XYLT1: variants seen among roughly 807,000 people sequenced by gnomAD.
XYLT1 encodes the protein beta-D-xylosyltransferase 1.
Under a neutral mutation model 91.3 loss-of-function variants are expected in XYLT1, and 36 were observed. The ratio of observed to expected loss-of-function variants is 0.39; its 90% CI spans 0.30 to 0.52. XYLT1 has a LOEUF of 0.52. Among genes scored for constraint, XYLT1 ranks in the 20% least tolerant of loss-of-function variants. The probability of loss-of-function intolerance (pLI) is 0.68; values close to 1 mark genes in which losing one functional copy is unlikely to be tolerated. For missense variants in XYLT1, 1,242 were observed against 1,284.5 expected, an observed-to-expected ratio of 0.97 and a Z score of 0.51; for synonymous variants, 588 against 532.0, an observed-to-expected ratio of 1.11 and a Z score of -1.45.
chr16:17,313,048 A>C (rs2034574184), intron 2 of XYLT1, among the ~76,000 whole-genome samples: 1 of 152,204 alleles, frequency 6.6e-6, no homozygotes, highest in Non-Finnish European at 1.5e-5. Context: ...ACAGATCCCC[A>C]GCCTTGTTGG....
chr16:17,323,353 G>A (rs967612275), intron 2 of XYLT1, among the ~76,000 whole-genome samples: 1 of 152,188 alleles, frequency 6.6e-6, no homozygotes, highest in Non-Finnish European at 1.5e-5. Context: ...TGCGGTTTTT[G>A]GCATCTTCGC....
intron 2 of XYLT1, among the ~76,000 whole-genome samples, chr16:17,353,970 G>C (rs1275867519): frequency 6.6e-6 from 1 of 152,076 alleles, no homozygotes; most frequent in Non-Finnish European, 1.5e-5. Context: ...GTGGAAATCG[G>C]GTATCACACA....
At chr16:17,221,299 T>A (rs2032963586) in intron 3 of XYLT1, among the ~76,000 whole-genome samples, 1 of 152,136 alleles carries the variant, frequency 6.6e-6, no homozygotes, top group Admixed American at 6.5e-5. Flanking sequence ...AGAAATATAT[T>A]GACAAAAGCC....
At chr16:17,418,277 ATAT>A (rs1452936550) in intron 1 of XYLT1, among the ~76,000 whole-genome samples, 1 of 152,212 alleles carries the variant, frequency 6.6e-6, no homozygotes, top group Non-Finnish European at 1.5e-5. Flanking sequence ...CTTAATAAAT[ATAT>A]TATTTATGGA....
chr16:17,158,810 G>C lies in XYLT1; in HGVS notation c.1370+19C>G. On this transcript the variant is annotated intron_variant, in intron 6 of 11. Coordinates refer to ENST00000261381, the MANE Select transcript of XYLT1 (RefSeq NM_022166.4). ...ATTTTCATTTCCATTTTGTACAGGG[G>C]TAGGGGTTGAGGTGCTACCTTGCAT... 6.2e-7 allele frequency: 1 copy of C among 1,612,598 alleles called. No homozygotes were observed.
intron 2 of XYLT1, among the ~76,000 whole-genome samples, chr16:17,267,475 A>T (rs1596457469): frequency 6.6e-6 from 1 of 152,180 alleles, no homozygotes; most frequent in African/African-American, 2.4e-5. Context: ...TGGTGCGATC[A>T]CGCTCATCGC....
intron 2 of XYLT1, among the ~76,000 whole-genome samples, chr16:17,347,846 A>C (rs372578975): frequency 6.6e-6 from 1 of 152,252 alleles, no homozygotes; most frequent in East Asian, 1.9e-4. Context: ...GCTATGCACC[A>C]GGGCTGGCCA....
intron 2 of XYLT1, among the ~76,000 whole-genome samples, chr16:17,351,753 G>GGGT (rs2035223807): frequency 6.7e-6 from 1 of 149,808 alleles, no homozygotes. Context: ...TTTTTTTGGG[G>GGGT]GGGGGTGCTT....
chr16:17,409,650 T>G (rs1488083650), intron 1 of XYLT1, among the ~76,000 whole-genome samples: 1 of 150,788 alleles, frequency 6.6e-6, no homozygotes, highest in East Asian at 2.0e-4. Flanking sequence ...ATCGGGTTCA[T>G]GTGGTTCTCC....
At chr16:17,426,250 C>T (rs1388206991) in intron 1 of XYLT1, among the ~76,000 whole-genome samples, 2 of 152,028 alleles carry the variant, frequency 1.3e-5, no homozygotes, top group African/African-American at 2.4e-5. Context: ...AAATTTATGA[C>T]AACAATAAAA....
chr16:17,271,326 A>G (rs2033887403), intron 2 of XYLT1, among the ~76,000 whole-genome samples: 1 of 152,140 alleles, frequency 6.6e-6, no homozygotes, highest in Admixed American at 6.5e-5. Flanking sequence ...AGAGACACAG[A>G]GAGAGAGACA....
intron 1 of XYLT1, among the ~76,000 whole-genome samples, chr16:17,414,939 C>T (rs1033769778): frequency 9.2e-5 from 14 of 152,162 alleles, no homozygotes; most frequent in African/African-American, 2.9e-4. Context: ...CTCACTCTGC[C>T]TTCTCCAAGG....
In XYLT1 at chr16:17,106,847, AC is replaced by A. The variant is rs1218947431; in HGVS notation, c.*1847del. The A allele has an allele frequency of 5.9e-5, 9 of 151,934 alleles. No homozygotes were observed. The East Asian group carries it at 1.6e-3, about 26-fold the overall frequency. The allele number at this position is 151,934 out of a possible 1,614,324, so 9.4% of individuals were successfully genotyped here. A position where few individuals can be genotyped will look rare whatever the true frequency, so the allele number is the denominator to read the frequency against. On this transcript the variant is annotated 3_prime_UTR_variant, in exon 12 of 12. Coordinates refer to ENST00000261381, the MANE Select transcript of XYLT1 (RefSeq NM_022166.4). The stretch of plus-strand genomic sequence containing the variant: ...ACAAGGCTCCAACGGTCCCCAAGGC[AC>A]CCCACTCAAAGCCAGTGGAAGATGC...
intron 2 of XYLT1, among the ~76,000 whole-genome samples, chr16:17,273,606 G>T (rs1324645008): frequency 2.0e-5 from 3 of 152,146 alleles, no homozygotes; most frequent in Non-Finnish European, 4.4e-5. Flanking sequence ...CACTTTGGAA[G>T]TCCGAGGTGG....
chr16:17,338,941 T>C (rs2035027884), intron 2 of XYLT1, among the ~76,000 whole-genome samples: 1 of 152,122 alleles, frequency 6.6e-6, no homozygotes, highest in African/African-American at 2.4e-5. Context: ...TACTGCCCAC[T>C]CCTACATGAT....
At chr16:17,188,892 T>C (rs1413790473) in intron 5 of XYLT1, among the ~76,000 whole-genome samples, 2 of 152,144 alleles carry the variant, frequency 1.3e-5, no homozygotes, top group African/African-American at 4.8e-5. Flanking sequence ...AGCTAGTAAA[T>C]AAAGAAGCTG....
intron 1 of XYLT1, among the ~76,000 whole-genome samples, chr16:17,460,457 G>T (rs1224601143): frequency 4.6e-5 from 7 of 152,218 alleles, no homozygotes; most frequent in African/African-American, 1.7e-4. Flanking sequence ...TCATGCCAGG[G>T]CAAGGCACAG....
chr16:17,259,084 A>C lies in XYLT1; in HGVS notation c.817T>G (p.Ser273Ala). The C allele has an allele frequency of 6.5e-7, 1 of 1,542,638 alleles. No homozygotes were observed. The highest frequency in any genetic ancestry group is 2.3e-5 in the East Asian group (1 of 44,176). ...CCAATCTCCTGGCGGCAGTGCTTGGACTTAGCACGGGACAGGGCAGAGATG... is the reference window on the plus strand; with the variant it reads ...CCAATCTCCTGGCGGCAGTGCTTGGCCTTAGCACGGGACAGGGCAGAGATG... ...EAISALSRAK[S>A]KHCRQEIGET... is the part of the protein sequence containing the mutation. The change falls in exon 3 of 12, where the codon TCC (serine) becomes GCC (alanine). Residue 273 changes from serine (S) to alanine (A), a missense_variant. Physicochemically the swap from Ser to Ala is moderately conservative, Grantham distance 99 (BLOSUM62 1). Around this residue, in one of 3 missense-constraint regions of XYLT1, gnomAD observed 437 missense variants for 411.5 expected, o/e 1.06. Transcript: ENST00000261381.
intron 1 of XYLT1, among the ~76,000 whole-genome samples, chr16:17,368,310 G>A (rs1227617913): frequency 6.6e-6 from 1 of 152,116 alleles, no homozygotes; most frequent in African/African-American, 2.4e-5. Flanking sequence ...GAGTCAGGAT[G>A]GAGTCAGAAA....
Sources: gnomAD v4.1 joint callset for allele counts (sites outside exome capture counted in the v4.1 genomes callset) on GRCh38, gnomAD v4.1.1 for gene constraint, gnomAD v4.1.1 regional missense constraint, MANE v1.5 for transcripts, NCBI Gene and HGNC (gene_info 2026-07-23, HGNC 2026-07-21) for gene names.